TTC28: variants seen among roughly 807,000 people sequenced by gnomAD.
The protein encoded by TTC28 is tetratricopeptide repeat protein 28.
Under a neutral mutation model 198.0 loss-of-function variants are expected in TTC28, and 61 were observed. The observed-to-expected ratio is 0.31, with a 90% CI of 0.25 to 0.38. The LOEUF is 0.38. TTC28 is among the 10% of genes least tolerant of loss of function. The pLI is 1.00. For missense variants in TTC28, 2,678 were observed against 3,164.0 expected (o/e 0.85, Z 3.69); for synonymous variants, 1,171 against 1,297.8 (o/e 0.90, Z 2.10).
intron 2 of TTC28, among the ~76,000 whole-genome samples, chr22:28,505,364 G>A (rs2048596923): frequency 1.3e-5 from 2 of 152,026 alleles, no homozygotes; most frequent in South Asian, 2.1e-4. Context: ...TGAAAGTGGC[G>A]AGTGAGTTCA....
intron 5 of TTC28, among the ~76,000 whole-genome samples, chr22:28,264,902 T>C (rs1343102341): frequency 6.6e-6 from 1 of 152,072 alleles, no homozygotes; most frequent in East Asian, 1.9e-4. Flanking sequence ...TTCCTTATTT[T>C]CCCCCAGAGA....
intron 2 of TTC28, among the ~76,000 whole-genome samples, chr22:28,502,436 C>G (rs1203665464): frequency 6.6e-6 from 1 of 151,206 alleles, no homozygotes; most frequent in Non-Finnish European, 1.5e-5. Flanking sequence ...GTCAGGAGAT[C>G]GAGACCATCC....
At chr22:28,149,240 T>C (rs1010244205) in intron 6 of TTC28, among the ~76,000 whole-genome samples, 12 of 152,200 alleles carry the variant, frequency 7.9e-5, no homozygotes, top group African/African-American at 2.9e-4. Flanking sequence ...TTTGGAAAGT[T>C]GGTGCACCAT....
intron 3 of TTC28, among the ~76,000 whole-genome samples, chr22:28,306,225 C>A (rs570152938): frequency 2.4e-4 from 37 of 152,146 alleles, no homozygotes; most frequent in African/African-American, 8.7e-4. Flanking sequence ...GAAGTTGATC[C>A]ATTTACCCAC....
chr22:27,999,450 C>A (rs771118765), intron 15 of TTC28, 190 bp from the exon 16 acceptor site: 4 of 851,572 alleles, frequency 4.7e-6, no homozygotes, highest in Non-Finnish European at 5.3e-6. Flanking sequence ...TACTGAGAAT[C>A]ATGCCTGCTG....
intron 2 of TTC28, among the ~76,000 whole-genome samples, chr22:28,405,576 G>C (rs2046987032): frequency 6.6e-6 from 1 of 152,186 alleles, no homozygotes; most frequent in African/African-American, 2.4e-5. Context: ...ATGGTGAGTA[G>C]GTCAGACAAG....
At chr22:28,168,778 T>C (rs1365383245) in intron 5 of TTC28, among the ~76,000 whole-genome samples, 1 of 152,188 alleles carries the variant, frequency 6.6e-6, no homozygotes, top group Non-Finnish European at 1.5e-5. Flanking sequence ...ACTTCGTGTC[T>C]AAAACACCAA....
At chr22:28,093,680 G>GTACTAAATTACTCTCTCAAATA (rs1941883452) in intron 12 of TTC28, among the ~76,000 whole-genome samples, 2 of 151,962 alleles carry the variant, frequency 1.3e-5, no homozygotes, top group African/African-American at 4.8e-5. Flanking sequence ...CCTGTCACTG[G>GTACTAAATTACTCTCTCAAATA]TACTAAATTA....
chr22:28,365,972 A>G (rs2046240220), intron 2 of TTC28, among the ~76,000 whole-genome samples: 1 of 152,210 alleles, frequency 6.6e-6, no homozygotes, highest in Non-Finnish European at 1.5e-5. Flanking sequence ...GTACATGTCA[A>G]ATATTTATTA....
intron 12 of TTC28, among the ~76,000 whole-genome samples, chr22:28,038,706 A>G (rs1939471040): frequency 6.6e-6 from 1 of 152,262 alleles, no homozygotes; most frequent in Non-Finnish European, 1.5e-5. Flanking sequence ...GCACAGCAAA[A>G]GAAACTACCG....
intron 2 of TTC28, among the ~76,000 whole-genome samples, chr22:28,618,421 C>T (rs2050936788): frequency 2.0e-5 from 3 of 152,080 alleles, no homozygotes; most frequent in African/African-American, 7.2e-5. Context: ...GTGGCTCACG[C>T]CTGTAATCCA....
chr22:28,610,066 GAAAAAA>G (rs201195813), intron 2 of TTC28, among the ~76,000 whole-genome samples: 1 of 152,050 alleles, frequency 6.6e-6, no homozygotes, highest in African/African-American at 2.4e-5. Context: ...GGGCATCTCT[GAAAAAA>G]AGGCAGCAGC....
chr22:28,487,754 C>T (rs1020152778), intron 2 of TTC28, among the ~76,000 whole-genome samples: 5 of 152,006 alleles, frequency 3.3e-5, no homozygotes, highest in Non-Finnish European at 5.9e-5. Flanking sequence ...ACTAATAATA[C>T]GTACCAATAT....
At chr22:28,326,659 CA>C (rs2045534915) in intron 2 of TTC28, among the ~76,000 whole-genome samples, 1 of 152,240 alleles carries the variant, frequency 6.6e-6, no homozygotes, top group African/African-American at 2.4e-5. Context: ...GAGATATTAT[CA>C]GAAGAAAGCA....
intron 2 of TTC28, among the ~76,000 whole-genome samples, chr22:28,398,355 G>A (rs1256522566): frequency 6.6e-6 from 1 of 152,180 alleles, no homozygotes; most frequent in East Asian, 1.9e-4. Flanking sequence ...TGGAGAGGGA[G>A]CCAGAAGAGG....
intron 2 of TTC28, among the ~76,000 whole-genome samples, chr22:28,345,357 C>A (rs2045889028): frequency 6.6e-6 from 1 of 152,140 alleles, no homozygotes; most frequent in African/African-American, 2.4e-5. Context: ...TGCTAATAAT[C>A]ACCCCCTAAA....
chr22:28,338,075 G>A (rs932422769), intron 2 of TTC28, among the ~76,000 whole-genome samples: 14 of 151,922 alleles, frequency 9.2e-5, no homozygotes, highest in Non-Finnish European at 1.9e-4. Flanking sequence ...GTCTGTAAAG[G>A]ATTTTATTTC....
intron 5 of TTC28, among the ~76,000 whole-genome samples, chr22:28,261,630 A>G (rs1601544765): frequency 6.6e-6 from 1 of 152,198 alleles, no homozygotes; most frequent in Non-Finnish European, 1.5e-5. Context: ...ATAAATTTGA[A>G]TAACCCTCTC....
intron 2 of TTC28, among the ~76,000 whole-genome samples, chr22:28,499,037 A>G (rs1217968837): frequency 6.6e-6 from 1 of 151,824 alleles, no homozygotes; most frequent in African/African-American, 2.4e-5. Flanking sequence ...TTAATTACCC[A>G]GGTGTAGGCA....
Sources: allele counts gnomAD v4.1 joint callset (sites outside exome capture counted in the v4.1 genomes callset), GRCh38; gene constraint gnomAD v4.1.1; transcripts MANE v1.5; gene names NCBI Gene and HGNC (gene_info 2026-07-23, HGNC 2026-07-21).